The following ZNF124 variants were observed in gnomAD, a reference collection of about 807,000 sequenced individuals.
ZNF124 encodes zinc finger protein 124, also known as zinc finger protein HZF-16.
A neutral mutation model predicts 26.6 loss-of-function variants in ZNF124; 25 were observed. That is an observed-to-expected ratio of 0.94 (90% CI 0.68 to 1.31). The LOEUF (loss-of-function observed/expected upper bound fraction) is 1.31. Ranked by LOEUF, ZNF124 falls within the 40% of genes most tolerant of loss-of-function variation. The pLI is 0.00. For synonymous variants in ZNF124, 129 were observed against 133.3 expected, an observed-to-expected ratio of 0.97 and a Z score of 0.22; for missense variants, 444 against 422.2, an observed-to-expected ratio of 1.05 and a Z score of -0.45.
chr1:247,136,603 C>G (rs975345416), intron 3 of ZNF124, among the ~76,000 whole-genome samples: 2 of 152,196 alleles, frequency 1.3e-5, no homozygotes, highest in African/African-American at 4.8e-5. Flanking sequence ...CTATTCCCAT[C>G]AAACTACCAT....
rs139428308 is a variant in ZNF124, at chr1:247,168,243, A to T, written c.30+3605T>A. ...GAAAAGAAGTCATTATATGAAAAAA[A>T]CACGGCTGGGCGTGGTGGCTCATGC... On this transcript the variant is annotated intron_variant, in intron 1 of 3. Coordinates refer to ENST00000543802, the MANE Select transcript of ZNF124 (RefSeq NM_001297568.2). This position sits in a 1 kb window ranked among gnomAD's most constrained non-coding sequence, Gnocchi z 4.0. 9.8e-4 allele frequency among the ~76,000 whole-genome samples: 150 copies of T among 152,350 alleles called. No individual in the cohort carries two copies. Among genetic ancestry groups the T allele is most frequent in the African/African-American group, 3.5e-3 (145 of 41,584 alleles).
chr1:247,149,148 A>G (rs1672861923), intron 3 of ZNF124, among the ~76,000 whole-genome samples: 1 of 152,192 alleles, frequency 6.6e-6, no homozygotes, highest in Admixed American at 6.5e-5. Context: ...AAATCCTGAA[A>G]AAGACAGCCC....
chr1:247,167,533 TA>T (rs1195418257), intron 1 of ZNF124, among the ~76,000 whole-genome samples: 1 of 152,156 alleles, frequency 6.6e-6, no homozygotes, highest in Non-Finnish European at 1.5e-5. Flanking sequence ...CATTCCTGAT[TA>T]AAAGCCCTAG....
chr1:247,169,132 C>A (rs1052114608), intron 1 of ZNF124, among the ~76,000 whole-genome samples: 1 of 152,074 alleles, frequency 6.6e-6, no homozygotes, highest in Non-Finnish European at 1.5e-5. Context: ...TGATGAAATA[C>A]ATTTTATGTT....
downstream of ZNF124, among the ~76,000 whole-genome samples, chr1:247,150,614 G>C (rs1672903582): frequency 6.6e-6 from 1 of 151,346 alleles, no homozygotes; most frequent in Non-Finnish European, 1.5e-5. Flanking sequence ...CCTTAAAATA[G>C]AGAAAGATTT....
chr1:247,144,650 T>C (rs1672715301), intron 3 of ZNF124, among the ~76,000 whole-genome samples: 1 of 152,218 alleles, frequency 6.6e-6, no homozygotes, highest in Non-Finnish European at 1.5e-5. Flanking sequence ...TGTGGCTTTA[T>C]ATTCCACTTT....
upstream of ZNF124, among the ~76,000 whole-genome samples, chr1:247,172,348 A>G (rs1418045660): frequency 6.6e-6 from 1 of 152,074 alleles, no homozygotes; most frequent in African/African-American, 2.4e-5. Context: ...AAAATTTCAG[A>G]CTTATTAACC....
rs115227369 is a variant in ZNF124 at position 247,167,119 on chromosome 1, A to T, written c.30+4729T>A. ...TGATAAAAATACACAATAAACTAGG[A>T]CTACAAGGAAACTACAGTATGAAAA... On this transcript the variant is annotated intron_variant, in intron 1 of 3. Transcript: ENST00000543802. 2.7e-3 allele frequency among the ~76,000 whole-genome samples: 409 copies of T among 152,336 alleles called. 3 individuals carry two copies. The highest frequency in any genetic ancestry group is 9.3e-3 in the African/African-American group (386 of 41,572).
At chr1:247,132,000 C>T (rs1672379400) in intron 3 of ZNF124, among the ~76,000 whole-genome samples, 1 of 152,202 alleles carries the variant, frequency 6.6e-6, no homozygotes, top group African/African-American at 2.4e-5. Flanking sequence ...GGTTGTCAGA[C>T]ACCCTATTCA....
chr1:247,137,381 T>C (rs1251502426), intron 3 of ZNF124, among the ~76,000 whole-genome samples: 2 of 145,128 alleles, frequency 1.4e-5, no homozygotes, highest in East Asian at 2.0e-4. Flanking sequence ...CAGTGGCTCG[T>C]GCCTGTAATC....
Position 247,158,127 on chromosome 1 carries a change from G to A in ZNF124, c.219-724C>T, listed in dbSNP as rs143142375. ...TAGCTGGGTGTGGTGGCATGTTCCT[G>A]TAATCCCAGCTACTTGGGAGACTGA... On this transcript the variant is annotated intron_variant, in intron 3 of 3. Coordinates refer to ENST00000543802, the MANE Select transcript of ZNF124 (RefSeq NM_001297568.2). Among the ~76,000 whole-genome samples the A allele has an allele frequency of 8.4e-4, 128 of 152,194 alleles. No individual in the cohort carries two copies. The East Asian group carries it at 0.021, about 25-fold the overall frequency.
At chr1:247,146,133 CAGAAGCCACCA>C (rs1462829416) in intron 3 of ZNF124, among the ~76,000 whole-genome samples, 1 of 152,182 alleles carries the variant, frequency 6.6e-6, no homozygotes, top group African/African-American at 2.4e-5. Flanking sequence ...CACTGAAGTT[CAGAAGCCACCA>C]TAGACAGTAG....
intron 1 of ZNF124, among the ~76,000 whole-genome samples, chr1:247,169,413 C>T (rs989829915): frequency 2.0e-5 from 3 of 152,136 alleles, no homozygotes; most frequent in Non-Finnish European, 4.4e-5. Flanking sequence ...TTTTCTTGTT[C>T]TTTAAGGTTG....
Position 247,156,624 on chromosome 1 carries a change from A to G in ZNF124, c.998T>C (p.Leu333Pro). The change falls in exon 4 of 4, where the codon CTT (leucine) becomes CCT (proline). Residue 333 changes from leucine (L) to proline (P), a missense_variant. Physicochemically the swap from Leu to Pro is moderately conservative, Grantham distance 98 (BLOSUM62 -3). Coordinates refer to ENST00000543802, the MANE Select transcript of ZNF124 (RefSeq NM_001297568.2). The stretch of plus-strand genomic sequence containing the variant: ...AGTATGAGTTTTTTTATGCTTCCAA[A>G]GGGTACTAGCACGACTAAAGGCTTT... ...CGKAFSRAST[L>P]WKHKKTHTGE... The G allele has an allele frequency of 6.3e-7, 1 of 1,577,166 alleles. No individual in the cohort carries two copies. The highest frequency in any genetic ancestry group is 8.6e-7 in the Non-Finnish European group (1 of 1,168,368).
At chr1:247,125,430 CTTTTTTTTTTTTT>C (rs71566695) in intron 3 of ZNF124, among the ~76,000 whole-genome samples, 2,265 of 43,410 alleles carry the variant, frequency 0.052, 76 homozygotes, top group African/African-American at 0.16. Context: ...CTGTTTTTGT[CTTTTTTTTTTTTT>C]TTTTTTTTTT....
At chr1:247,163,216 G>C (rs1673584635) in intron 1 of ZNF124, among the ~76,000 whole-genome samples, 1 of 151,836 alleles carries the variant, frequency 6.6e-6, no homozygotes, top group East Asian at 1.9e-4. Context: ...TCTCAAATTA[G>C]CAACCTAACA....
chr1:247,137,355 C>G (rs746717387), intron 3 of ZNF124, among the ~76,000 whole-genome samples: 56 of 147,912 alleles, frequency 3.8e-4, no homozygotes, highest in Non-Finnish European at 6.7e-4. Context: ...AGGAGAAAAC[C>G]TAGGGAGGCC....
At chr1:247,165,894 T>C (rs1286453656) in intron 1 of ZNF124, among the ~76,000 whole-genome samples, 1 of 152,106 alleles carries the variant, frequency 6.6e-6, no homozygotes, top group Non-Finnish European at 1.5e-5. Flanking sequence ...ACTCAAAAAA[T>C]AGCCTGGGCA....
chr1:247,151,261 T>C (rs188167892), downstream of ZNF124, among the ~76,000 whole-genome samples: 3,444 of 151,980 alleles, frequency 0.023, 63 homozygotes, highest in Non-Finnish European at 0.037. Flanking sequence ...GGGCGGATCA[T>C]GAGGTCAGGA....
Sources: allele counts gnomAD v4.1 joint callset (sites outside exome capture counted in the v4.1 genomes callset), GRCh38; gene constraint gnomAD v4.1.1; non-coding constraint Gnocchi (gnomAD v3.1); transcripts MANE v1.5; gene names NCBI Gene and HGNC (gene_info 2026-07-23, HGNC 2026-07-21).